Variants in DUSP16 observed in about 807,000 individuals in gnomAD.
The protein encoded by DUSP16 is dual specificity protein phosphatase 16.
A neutral mutation model predicts 58.3 loss-of-function variants in DUSP16; 21 were observed. The ratio of observed to expected loss-of-function variants is 0.36; its 90% CI spans 0.26 to 0.52. The LOEUF (loss-of-function observed/expected upper bound fraction) is 0.52, where lower values mean the gene tolerates loss of function less well. DUSP16 is among the 20% of genes least tolerant of loss of function. The pLI, the probability that DUSP16 is intolerant of heterozygous loss-of-function variation, is 0.94. For synonymous variants in DUSP16, 320 were observed against 323.8 expected, an observed-to-expected ratio of 0.99 and a Z score of 0.12; for missense variants, 726 against 819.0, an observed-to-expected ratio of 0.89 and a Z score of 1.39.
chr12:12,476,082 A>G lies in DUSP16; in HGVS notation c.*751T>C, dbSNP rs192123986. 1.3e-5 allele frequency: 2 copies of G among 152,654 alleles called. No individual in the cohort carries two copies. The highest frequency in any genetic ancestry group is 4.8e-5 in the African/African-American group (2 of 41,542). 9.5% of individuals were successfully genotyped at this position (152,654 alleles called of 1,614,324 possible). A position where few individuals can be genotyped will look rare whatever the true frequency, so the allele number is the denominator to read the frequency against. On this transcript the variant is annotated 3_prime_UTR_variant, in exon 7 of 7. Transcript: ENST00000298573. ...CTCTTCATAAAGCTGAGAAGAAAAA[A>G]AAATTATCTCCATCTAGGCCCACGG...
chr12:12,552,097 G>A (rs1944736597), intron 1 of DUSP16, among the ~76,000 whole-genome samples: 1 of 152,184 alleles, frequency 6.6e-6, no homozygotes. Context: ...GGATTTTAAT[G>A]TTACAGAGTA....
chr12:12,532,643 TG>T (rs372143028), intron 1 of DUSP16, among the ~76,000 whole-genome samples: 12 of 149,810 alleles, frequency 8.0e-5, no homozygotes, highest in African/African-American at 2.7e-4. Context: ...AAAGTTTGGG[TG>T]GGCAAAGGTT....
At chr12:12,543,159 G>A (rs1237655978) in intron 1 of DUSP16, among the ~76,000 whole-genome samples, 2 of 152,046 alleles carry the variant, frequency 1.3e-5, no homozygotes, top group East Asian at 3.8e-4. Flanking sequence ...ATGCTATGAA[G>A]AATGTCGTTG....
intron 1 of DUSP16, among the ~76,000 whole-genome samples, chr12:12,546,761 A>G (rs1944646423): frequency 6.6e-6 from 1 of 152,140 alleles, no homozygotes; most frequent in Admixed American, 6.6e-5. Context: ...TATTCCTCCT[A>G]TAGTATTGTC....
At chr12:12,511,943 T>G (rs1452385254) in intron 3 of DUSP16, among the ~76,000 whole-genome samples, 1 of 152,146 alleles carries the variant, frequency 6.6e-6, no homozygotes, top group Non-Finnish European at 1.5e-5. Context: ...ATGCTTTTGT[T>G]TGGTTTGTGC....
chr12:12,508,573 T>C lies in DUSP16; in HGVS notation c.368-7891A>G, dbSNP rs114694634. Among the ~76,000 whole-genome samples, 815 of 152,298 alleles carry C rather than the reference T, an allele frequency of 5.4e-3. 8 individuals are homozygous for C. The highest frequency in any genetic ancestry group is 0.018 in the African/African-American group (743 of 41,556). On this transcript the variant is annotated intron_variant, in intron 3 of 6. Transcript: ENST00000298573. ...GAAAAATCCCAAATGATCTAAAGCATTAATTTAAAGCTCTTATTCCATCCA... is the reference window on the plus strand; with the variant it reads ...GAAAAATCCCAAATGATCTAAAGCACTAATTTAAAGCTCTTATTCCATCCA...
chr12:12,488,225 CCTT>C (rs1433263309), intron 4 of DUSP16, among the ~76,000 whole-genome samples: 1 of 151,380 alleles, frequency 6.6e-6, no homozygotes, highest in South Asian at 2.1e-4. Flanking sequence ...AAGGCCCTGT[CCTT>C]CTTCCAGAAG....
chr12:12,551,531 G>A (rs958344280), intron 1 of DUSP16, among the ~76,000 whole-genome samples: 1 of 151,334 alleles, frequency 6.6e-6, no homozygotes, highest in Non-Finnish European at 1.5e-5. Flanking sequence ...GAGAAAACTG[G>A]TATTTTGGAA....
chr12:12,488,526 G>A (rs768947951), intron 4 of DUSP16, among the ~76,000 whole-genome samples: 2 of 152,134 alleles, frequency 1.3e-5, no homozygotes, highest in Non-Finnish European at 2.9e-5. Flanking sequence ...TAGCAGGCAA[G>A]CCCACACAAA....
rs1943474814 is a variant in DUSP16 at position 12,477,568 on chromosome 12, G to A, written c.1263C>T (p.Ser421=). The A allele has an allele frequency of 6.2e-7, 1 of 1,613,496 alleles. No individual in the cohort carries two copies. The highest frequency in any genetic ancestry group is 1.3e-5 in the African/African-American group (1 of 74,946). ...ASMAASLHGF[S]SSEDALEYYK... ...AGTATTCCAAAGCATCTTCTGATGA[G>A]GAGAAGCCATGTAAGGATGCTGCCA... The change falls in exon 7 of 7, where the codon TCC becomes TCT. Residue 421 remains serine, a synonymous_variant. Coordinates refer to ENST00000298573, the MANE Select transcript of DUSP16 (RefSeq NM_030640.3). The surrounding 1 kb of genome is among the most constrained non-coding windows in gnomAD (Gnocchi z 4.1).
At chr12:12,525,731 T>TACACACACACACACACACACAC (rs35552389) in intron 1 of DUSP16, among the ~76,000 whole-genome samples, 1 of 146,080 alleles carries the variant, frequency 6.8e-6, no homozygotes, top group African/African-American at 2.5e-5. Flanking sequence ...AATATATGTA[T>TACACACACACACACACACACAC]ACACACACAC....
At position 12,480,244 on chromosome 12, in the gene DUSP16, A is replaced by G. The variant is rs1943538148; in HGVS notation, c.794T>C (p.Met265Thr). 1.9e-6 allele frequency: 3 copies of G among 1,614,174 alleles called. No individual in the cohort carries two copies. Among genetic ancestry groups the G allele is most frequent in the Non-Finnish European group, 2.5e-6 (3 of 1,180,020 alleles). The change falls in exon 6 of 7, where the codon ATG becomes ACG. Residue 265 changes from methionine (M) to threonine (T), a missense_variant. Met to Thr is a moderately conservative substitution (Grantham distance 81). Transcript: ENST00000298573. ...TCACCTGTAAGCTTCATCTAAAGAC[A>G]TGTCCATCCTCTTCATGATGTAGGC... ...AIAYIMKRMD[M>T]SLDEAYRFVK...
At chr12:12,483,968 TAATAAATAAA>T (rs1565978784) in intron 5 of DUSP16, among the ~76,000 whole-genome samples, 1 of 151,608 alleles carries the variant, frequency 6.6e-6, no homozygotes, top group African/African-American at 2.4e-5. Flanking sequence ...TAAAGTATAA[TAATAAATAAA>T]AATAAAAAAA....
chr12:12,487,138 G>C lies in DUSP16; in HGVS notation c.581C>G (p.Thr194Ser). Residue 194 changes from threonine to serine, a missense_variant, in exon 5 of 7, where the codon ACC (threonine) becomes AGC (serine). Physicochemically the swap from Thr to Ser is moderately conservative, Grantham distance 58. Coordinates refer to ENST00000298573, the MANE Select transcript of DUSP16 (RefSeq NM_030640.3). ...GGGGATAAAGTCAGGCTTTGGACAG[G>C]TATTGCTGGCATTTAACACATAACC... Reference protein sequence around the residue: ...GIGYVLNASNTCPKPDFIPES... With the variant: ...GIGYVLNASNSCPKPDFIPES... 6.2e-7 allele frequency: 1 copy of C among 1,614,128 alleles called. No individual in the cohort carries two copies. The highest frequency in any genetic ancestry group is 8.5e-7 in the Non-Finnish European group (1 of 1,180,004).
At chr12:12,553,580 T>C (rs1944763621) in intron 1 of DUSP16, among the ~76,000 whole-genome samples, 1 of 152,232 alleles carries the variant, frequency 6.6e-6, no homozygotes, top group Non-Finnish European at 1.5e-5. Context: ...TCTCACTCTG[T>C]TGCCCAGGCT....
chr12:12,530,735 A>G (rs1485280732), intron 1 of DUSP16, among the ~76,000 whole-genome samples: 2 of 152,210 alleles, frequency 1.3e-5, no homozygotes, highest in African/African-American at 4.8e-5. Flanking sequence ...TTAATATTAT[A>G]CATTTTTTCC....
intron 1 of DUSP16, among the ~76,000 whole-genome samples, chr12:12,530,534 G>A (rs1944368644): frequency 1.3e-5 from 2 of 152,018 alleles, no homozygotes; most frequent in African/African-American, 4.8e-5. Context: ...GTCTATTTTT[G>A]CTTTTGTTGT....
rs576308597 is a variant in DUSP16, at chr12:12,477,754, G to A, written c.1077C>T (p.Ser359=). ...GCTGCACGCTGGGCACGCTGGGCAC[G>A]CTGGCGGGATGCACGGGCCTTTGTC... ...AAGQRPVHPA[S]VPSVPSVQPS... is the part of the protein sequence containing the mutation. The change falls in exon 7 of 7, where the codon AGC becomes AGT. Residue 359 remains serine, a synonymous_variant. Coordinates refer to ENST00000298573, the MANE Select transcript of DUSP16 (RefSeq NM_030640.3). This position sits in a 1 kb window ranked among gnomAD's most constrained non-coding sequence, Gnocchi z 4.1. The A allele has an allele frequency of 1.1e-5, 18 of 1,601,510 alleles. No homozygotes were observed. The highest frequency in any genetic ancestry group is 2.3e-5 in the East Asian group (1 of 42,902).
At position 12,476,099 on chromosome 12, in the gene DUSP16, G is replaced by A. The variant is rs943602939; in HGVS notation, c.*734C>T. 1.3e-5 allele frequency: 2 copies of A among 152,598 alleles called. No homozygotes were observed. The highest frequency in any genetic ancestry group is 4.8e-5 in the African/African-American group (2 of 41,500). The allele number at this position is 152,598 out of a possible 1,614,324, so 9.5% of individuals were successfully genotyped here. A position where few individuals can be genotyped will look rare whatever the true frequency, so the allele number is the denominator to read the frequency against. On this transcript the variant is annotated 3_prime_UTR_variant, in exon 7 of 7. Transcript: ENST00000298573. Reference sequence around the variant, plus strand: ...AAGAAAAAAAAATTATCTCCATCTAGGCCCACGGGAATTTTGTGCATAGAC... The same window carrying A: ...AAGAAAAAAAAATTATCTCCATCTAAGCCCACGGGAATTTTGTGCATAGAC...
Sources: gnomAD v4.1 joint callset for allele counts (sites outside exome capture counted in the v4.1 genomes callset) on GRCh38, gnomAD v4.1.1 for gene constraint, Gnocchi (gnomAD v3.1) non-coding constraint, MANE v1.5 for transcripts, NCBI Gene and HGNC (gene_info 2026-07-23, HGNC 2026-07-21) for gene names.